Variants in PCDH9 observed in about 807,000 individuals in gnomAD.
The protein encoded by PCDH9 is protocadherin 9.
PCDH9 carries 24 observed loss-of-function variants against 70.6 expected under a neutral mutation model. The ratio of observed to expected loss-of-function variants is 0.34; its 90% CI spans 0.25 to 0.48. The LOEUF (loss-of-function observed/expected upper bound fraction) is 0.48. Ranked by LOEUF, PCDH9 falls within the 20% of genes least tolerant of loss-of-function variation. The pLI is 0.99. For missense variants in PCDH9, 1,281 were observed against 1,503.6 expected (o/e 0.85, Z 2.45); for synonymous variants, 562 against 558.5 (o/e 1.01, Z -0.09).
Position 66,412,111 on chromosome 13 carries a change from G to A in PCDH9, c.3341-107083C>T, listed in dbSNP as rs118073948. ...ACCTAGCTTGAAAGCAGATATTAAT[G>A]TTTGGGACTTCATAAAACTCTGAGT... On this transcript the variant is annotated intron_variant, in intron 4 of 4. Coordinates refer to ENST00000377865, the MANE Select transcript of PCDH9 (RefSeq NM_203487.3). Among the ~76,000 whole-genome samples the A allele has an allele frequency of 9.4e-4, 143 of 152,262 alleles. 2 individuals carry two copies. The East Asian group carries it at 0.023, about 24-fold the overall frequency.
chr13:66,479,212 A>C (rs1958791438), intron 4 of PCDH9, among the ~76,000 whole-genome samples: 2 of 152,202 alleles, frequency 1.3e-5, no homozygotes, highest in Non-Finnish European at 2.9e-5. Flanking sequence ...TGCTCAGGAA[A>C]AAACATATCC....
intron 3 of PCDH9, among the ~76,000 whole-genome samples, chr13:66,731,701 T>G (rs1257924086): frequency 6.6e-6 from 1 of 152,064 alleles, no homozygotes; most frequent in East Asian, 1.9e-4. Flanking sequence ...TTCACAGCAG[T>G]AAAGCCCAAA....
intron 3 of PCDH9, among the ~76,000 whole-genome samples, chr13:66,844,078 A>G (rs1215764235): frequency 6.6e-6 from 1 of 152,092 alleles, no homozygotes; most frequent in Non-Finnish European, 1.5e-5. Flanking sequence ...TAGTGTGTGG[A>G]AAATCTGTGA....
intron 3 of PCDH9, among the ~76,000 whole-genome samples, chr13:66,762,146 G>A (rs909549405): frequency 2.0e-5 from 3 of 152,000 alleles, no homozygotes; most frequent in Admixed American, 6.6e-5. Flanking sequence ...CACCATGGTT[G>A]GTGCAGTGCG....
chr13:66,983,185 A>G (rs940214305), intron 2 of PCDH9, among the ~76,000 whole-genome samples: 3 of 152,192 alleles, frequency 2.0e-5, no homozygotes, highest in East Asian at 3.8e-4. Flanking sequence ...CCTATGTAAA[A>G]AAACCTGCAC....
intron 3 of PCDH9, among the ~76,000 whole-genome samples, chr13:66,644,355 A>C (rs1332462955): frequency 6.6e-6 from 1 of 151,954 alleles, no homozygotes; most frequent in Admixed American, 6.6e-5. Context: ...TCGTAGGGAA[A>C]ACTGTGTTCA....
chr13:66,713,623 G>GTATATTATATATATATA (rs762817724), intron 3 of PCDH9, among the ~76,000 whole-genome samples: 1 of 93,032 alleles, frequency 1.1e-5, no homozygotes, highest in Non-Finnish European at 2.1e-5. Flanking sequence ...GTGTGTGTGT[G>GTATATTATATATATATA]TGTATATATA....
rs140257479 is a variant in PCDH9 at position 67,186,112 on chromosome 13, A to C, written c.3036+39293T>G. Among the ~76,000 whole-genome samples the C allele has an allele frequency of 2.1e-3, 317 of 152,280 alleles. 2 individuals are homozygous for C. The highest frequency in any genetic ancestry group is 7.3e-3 in the African/African-American group (305 of 41,582). On this transcript the variant is annotated intron_variant, in intron 2 of 4. Coordinates refer to ENST00000377865, the MANE Select transcript of PCDH9 (RefSeq NM_203487.3). ...GTGTAAAATATTTATATATATAAATATAAAGAGGTTACCAATCAATATGAA... is the reference window on the plus strand; with the variant it reads ...GTGTAAAATATTTATATATATAAATCTAAAGAGGTTACCAATCAATATGAA...
intron 4 of PCDH9, chr13:66,323,429 G>A (rs1047075866): frequency 1.3e-5 from 2 of 151,850 alleles, no homozygotes; most frequent in African/African-American, 2.4e-5. Context: ...GCAATAATAA[G>A]CAATAAAAAT....
At chr13:67,141,460 A>G (rs951437636) in intron 2 of PCDH9, among the ~76,000 whole-genome samples, 3 of 151,854 alleles carry the variant, frequency 2.0e-5, no homozygotes, top group Non-Finnish European at 2.9e-5. Context: ...TATTATTTTT[A>G]GATGGAGTCT....
intron 4 of PCDH9, among the ~76,000 whole-genome samples, chr13:66,510,389 C>A (rs1050189548): frequency 4.0e-5 from 6 of 151,594 alleles, no homozygotes; most frequent in African/African-American, 1.5e-4. Flanking sequence ...ACTTTAAGTT[C>A]TAGGGTACAT....
intron 3 of PCDH9, among the ~76,000 whole-genome samples, chr13:66,870,879 C>A (rs900827057): frequency 3.1e-4 from 47 of 152,094 alleles, no homozygotes; most frequent in African/African-American, 1.1e-3. Context: ...CCAGCCATCC[C>A]ATTACTGGGT....
chr13:67,095,856 T>C (rs9529183), intron 2 of PCDH9, among the ~76,000 whole-genome samples: 1 of 152,072 alleles, frequency 6.6e-6, no homozygotes, highest in Non-Finnish European at 1.5e-5. Flanking sequence ...ATAACTACAG[T>C]TAGGATTTTG....
intron 3 of PCDH9, among the ~76,000 whole-genome samples, chr13:66,664,825 C>T (rs1566490936): frequency 6.6e-6 from 1 of 152,058 alleles, no homozygotes; most frequent in African/African-American, 2.4e-5. Flanking sequence ...CACCCTCTTA[C>T]CTGGCATGTT....
chr13:66,332,557 A>C, intron 4 of PCDH9, among the ~76,000 whole-genome samples: 1 of 152,222 alleles, frequency 6.6e-6, no homozygotes, highest in East Asian at 1.9e-4. Context: ...GGAACACTTA[A>C]GTCTCATGGA....
At chr13:66,569,726 TA>T (rs559771642) in intron 4 of PCDH9, among the ~76,000 whole-genome samples, 61 of 152,222 alleles carry the variant, frequency 4.0e-4, no homozygotes, top group African/African-American at 1.4e-3. Context: ...CCCCATTATA[TA>T]AGAGATGGGA....
At chr13:66,442,884 C>T (rs779493864) in intron 4 of PCDH9, among the ~76,000 whole-genome samples, 5 of 152,172 alleles carry the variant, frequency 3.3e-5, no homozygotes, top group African/African-American at 4.8e-5. Context: ...AATTTACCTT[C>T]ATGATTAACT....
At chr13:66,632,777 C>G (rs2138940065) in intron 3 of PCDH9, among the ~76,000 whole-genome samples, 1 of 152,186 alleles carries the variant, frequency 6.6e-6, no homozygotes, top group African/African-American at 2.4e-5. Flanking sequence ...AGTTTTCTTT[C>G]TGCCTAGCAG....
chr13:66,611,739 A>T (rs2077295960), intron 4 of PCDH9, among the ~76,000 whole-genome samples: 1 of 152,210 alleles, frequency 6.6e-6, no homozygotes, highest in African/African-American at 2.4e-5. Context: ...TGTTGTGAGG[A>T]CGGAATTGAA....
Sources: allele counts gnomAD v4.1 joint callset (sites outside exome capture counted in the v4.1 genomes callset), GRCh38; gene constraint gnomAD v4.1.1; transcripts MANE v1.5; gene names NCBI Gene and HGNC (gene_info 2026-07-23, HGNC 2026-07-21).